Variants in ZC3H12B observed in about 807,000 individuals in gnomAD.
ZC3H12B encodes probable ribonuclease ZC3H12B.
ZC3H12B carries 7 observed loss-of-function variants against 43.9 expected under a neutral mutation model. That is an observed-to-expected ratio of 0.16 (90% CI 0.09 to 0.30). The LOEUF is 0.30. Ranked by LOEUF, ZC3H12B falls within the 10% of genes least tolerant of loss-of-function variation. The probability of loss-of-function intolerance (pLI) is 1.00; values close to 1 mark genes in which losing one functional copy is unlikely to be tolerated. For synonymous variants in ZC3H12B, 222 were observed against 241.7 expected, an observed-to-expected ratio of 0.92 and a Z score of 0.76; for missense variants, 475 against 670.2, an observed-to-expected ratio of 0.71 and a Z score of 3.22.
the ZC3H12B span, among the ~76,000 whole-genome samples, chrX:65,295,638 C>A: frequency 9.0e-6 from 1 of 110,677 alleles, no homozygotes; most frequent in Non-Finnish European, 1.9e-5. Flanking sequence ...AAAAGATAAA[C>A]AAAATTAGGA....
At chrX:65,039,060 A>G in the ZC3H12B span, among the ~76,000 whole-genome samples, 1 of 111,685 alleles carries the variant, frequency 9.0e-6, no homozygotes, top group Non-Finnish European at 1.9e-5. Flanking sequence ...ATGTAGGAAA[A>G]AAAAAAGTGG....
the ZC3H12B span, among the ~76,000 whole-genome samples, chrX:65,222,474 T>G: frequency 9.1e-6 from 1 of 110,417 alleles, no homozygotes; most frequent in East Asian, 2.8e-4. Flanking sequence ...CTTCTAAAGC[T>G]GATAAATGAA....
intron 3 of ZC3H12B, chrX:65,469,417 C>T (rs940010839): frequency 1.3e-5 from 6 of 462,936 alleles, no homozygotes; most frequent in African/African-American, 7.2e-5. Context: ...GTGTTTCTGT[C>T]GGGAATGCCA....
At chrX:65,211,706 AAT>A in the ZC3H12B span, among the ~76,000 whole-genome samples, 1 of 89,181 alleles carries the variant, frequency 1.1e-5, no homozygotes, top group Admixed American at 1.6e-4. Context: ...TATAATATAT[AAT>A]ATATATTATA....
the ZC3H12B span, among the ~76,000 whole-genome samples, chrX:65,066,733 G>A: frequency 8.9e-6 from 1 of 112,005 alleles, no homozygotes; most frequent in Non-Finnish European, 1.9e-5. Flanking sequence ...TGCTGAAGCT[G>A]CACCCACTTG....
chrX:65,126,570 C>G, the ZC3H12B span, among the ~76,000 whole-genome samples: 1 of 111,175 alleles, frequency 9.0e-6, no homozygotes, highest in Non-Finnish European at 1.9e-5. Context: ...TGATTATTCC[C>G]TCAAATATTT....
the ZC3H12B span, among the ~76,000 whole-genome samples, chrX:65,301,466 T>TTA: frequency 1.5e-4 from 16 of 109,698 alleles, no homozygotes; most frequent in African/African-American, 1.7e-4. Flanking sequence ...ATAAAGAAAA[T>TTA]TATATATATA....
the ZC3H12B span, among the ~76,000 whole-genome samples, chrX:65,100,275 G>A: frequency 1.8e-5 from 2 of 110,445 alleles, no homozygotes; most frequent in Non-Finnish European, 3.8e-5. Context: ...GTCACTGAAA[G>A]TGATGGGGAG....
chrX:65,447,984 G>A (rs1426077788), intron 3 of ZC3H12B, among the ~76,000 whole-genome samples: 1 of 111,488 alleles, frequency 9.0e-6, no homozygotes, highest in East Asian at 2.8e-4. Context: ...TGTAATCCCA[G>A]CACTTTGGGA....
At chrX:65,220,464 C>T in the ZC3H12B span, among the ~76,000 whole-genome samples, 305 of 111,844 alleles carry the variant, frequency 2.7e-3, no homozygotes, top group African/African-American at 9.1e-3. Context: ...AAGAGACTCA[C>T]CTGACACATA....
the ZC3H12B span, among the ~76,000 whole-genome samples, chrX:65,112,560 A>G: frequency 3.6e-5 from 4 of 111,897 alleles, no homozygotes; most frequent in African/African-American, 9.7e-5. Context: ...GTTGAAGCCA[A>G]TGCTCATTTA....
At chrX:65,491,463 T>C (rs1602529086) in intron 1 of ZC3H12B, among the ~76,000 whole-genome samples, 2 of 111,150 alleles carry the variant, frequency 1.8e-5, no homozygotes, top group Middle Eastern at 9.2e-3. Context: ...TCCCGACACA[T>C]TGGGAAGCCG....
chrX:65,064,110 G>T, the ZC3H12B span, among the ~76,000 whole-genome samples: 1 of 111,462 alleles, frequency 9.0e-6, no homozygotes, highest in African/African-American at 3.3e-5. Context: ...CCAGCTTCTG[G>T]ATTTATCGAG....
At chrX:65,256,132 G>T in the ZC3H12B span, among the ~76,000 whole-genome samples, 4 of 111,776 alleles carry the variant, frequency 3.6e-5, no homozygotes, top group African/African-American at 1.3e-4. Flanking sequence ...GATAATTGAG[G>T]CAGAAAACTA....
chrX:65,370,951 C>T (rs1331977144), intron 2 of ZC3H12B, among the ~76,000 whole-genome samples: 1 of 111,696 alleles, frequency 9.0e-6, no homozygotes, highest in Non-Finnish European at 1.9e-5. Context: ...TTACCACTGC[C>T]TAATTGTATA....
At chrX:65,407,130 C>T (rs1426837153) in intron 3 of ZC3H12B, among the ~76,000 whole-genome samples, 3 of 112,372 alleles carry the variant, frequency 2.7e-5, no homozygotes, top group African/African-American at 9.7e-5. Flanking sequence ...GAAAGAAGAC[C>T]GAGGAAGAAA....
chrX:65,371,431 GT>G (rs996601251), intron 2 of ZC3H12B, among the ~76,000 whole-genome samples: 4 of 110,091 alleles, frequency 3.6e-5, no homozygotes, highest in Non-Finnish European at 5.7e-5. Context: ...TCTAAGCCCA[GT>G]TTTTTTTTCC....
the ZC3H12B span, among the ~76,000 whole-genome samples, chrX:65,196,098 A>G: frequency 9.1e-6 from 1 of 110,304 alleles, no homozygotes; most frequent in Non-Finnish European, 1.9e-5. Context: ...TCGCTGAATC[A>G]AGGGCCTGCA....
At chrX:65,395,492 T>C (rs933330613) in intron 2 of ZC3H12B, among the ~76,000 whole-genome samples, 1 of 112,697 alleles carries the variant, frequency 8.9e-6, no homozygotes, top group African/African-American at 3.2e-5. Flanking sequence ...TGGCTTTGTT[T>C]ATGTGATGGA....
Sources: allele counts gnomAD v4.1 joint callset (sites outside exome capture counted in the v4.1 genomes callset), GRCh38; gene constraint gnomAD v4.1.1; transcripts MANE v1.5; gene names NCBI Gene and HGNC (gene_info 2026-07-23, HGNC 2026-07-21).